TBC1D31: variants seen among roughly 807,000 people sequenced by gnomAD.
TBC1D31 encodes TBC1 domain family member 31, also known as WD repeat domain 67.
TBC1D31 carries 99 observed loss-of-function variants against 132.9 expected under a neutral mutation model. The ratio of observed to expected loss-of-function variants is 0.74; its 90% CI spans 0.63 to 0.88. The LOEUF (loss-of-function observed/expected upper bound fraction) is 0.88, where lower values mean the gene tolerates loss of function less well. Among genes scored for constraint, TBC1D31 ranks in the 40% least tolerant of loss-of-function variants. The pLI is 0.00. For synonymous variants in TBC1D31, 385 were observed against 419.4 expected, an observed-to-expected ratio of 0.92 and a Z score of 1.00; for missense variants, 1,134 against 1,256.6, an observed-to-expected ratio of 0.90 and a Z score of 1.48.
At chr8:123,101,238 A>C (rs1211243151) in intron 7 of TBC1D31, among the ~76,000 whole-genome samples, 1 of 152,138 alleles carries the variant, frequency 6.6e-6, no homozygotes, top group African/African-American at 2.4e-5. Flanking sequence ...GATGTCTCTC[A>C]TTTAGGTGTT....
In TBC1D31 at chr8:123,147,362, G is replaced by A. The variant is rs952582371; in HGVS notation, c.2974+2507G>A. On this transcript the variant is annotated intron_variant, in intron 20 of 21. Coordinates refer to ENST00000287380, the MANE Select transcript of TBC1D31 (RefSeq NM_145647.4). ...TAATTTTTGTATTTTTAGTAGAGAC[G>A]GGGTTTCACCATGTTGGGCAGGGTG... 3.9e-5 allele frequency among the ~76,000 whole-genome samples: 6 copies of A among 151,974 alleles called. No homozygotes were observed. In the East Asian group the frequency reaches 5.8e-4, roughly 15 times the overall value.
At chr8:123,140,690 C>A in intron 17 of TBC1D31, 71 bp from the exon 18 acceptor site, 25 of 1,266,944 alleles carry the variant, frequency 2.0e-5, no homozygotes, top group East Asian at 5.1e-5. Flanking sequence ...TATTACTATT[C>A]TGAAAAAAGT....
At chr8:123,077,361 C>T in intron 2 of TBC1D31, 104 bp downstream of exon 2, 1 of 1,221,576 alleles carries the variant, frequency 8.2e-7, no homozygotes, top group South Asian at 1.6e-5. Context: ...TTATTAAGTT[C>T]TATTATATTT....
chr8:123,154,630 A>G (rs947868196), downstream of TBC1D31, among the ~76,000 whole-genome samples: 1 of 152,236 alleles, frequency 6.6e-6, no homozygotes, highest in African/African-American at 2.4e-5. Context: ...CCTCAGGCAC[A>G]GGCAAACAGG....
Position 123,128,339 on chromosome 8 carries a change from A to T in TBC1D31, c.1943A>T (p.His648Leu). The T allele has an allele frequency of 6.2e-7, 1 of 1,613,740 alleles. No homozygotes were observed. The highest frequency in any genetic ancestry group is 8.5e-7 in the Non-Finnish European group (1 of 1,179,746). Residue 648 changes from histidine (H) to leucine (L), a missense_variant, in exon 14 of 22, where the codon CAT becomes CTT. Physicochemically the swap from His to Leu is moderately conservative, Grantham distance 99 (BLOSUM62 -3). Transcript: ENST00000287380. ...AATGTTGTGATTAGACAAGTTTATC[A>T]TCTCATGGAGACCACGCCTACTGAC... is the stretch of plus-strand genomic sequence containing the variant. ...DINVVIRQVYHLMETTPTDIH... is the reference protein window; with the variant it reads ...DINVVIRQVYLLMETTPTDIH...
intron 4 of TBC1D31, among the ~76,000 whole-genome samples, chr8:123,092,914 C>T (rs1156433847): frequency 6.6e-6 from 1 of 150,558 alleles, no homozygotes; most frequent in African/African-American, 2.4e-5. Context: ...CAGGTTCAAA[C>T]AATTCTCCTG....
intron 20 of TBC1D31, among the ~76,000 whole-genome samples, chr8:123,148,916 G>A (rs917900423): frequency 6.6e-6 from 1 of 151,924 alleles, no homozygotes; most frequent in Non-Finnish European, 1.5e-5. Flanking sequence ...GCATGGTGGC[G>A]TGAACCTGTA....
At chr8:123,133,775 A>G (rs1442377061) in intron 16 of TBC1D31, among the ~76,000 whole-genome samples, 1 of 152,208 alleles carries the variant, frequency 6.6e-6, no homozygotes, top group African/African-American at 2.4e-5. Context: ...AATAAATGTT[A>G]TATTTTTATC....
In TBC1D31 at chr8:123,152,109, G is replaced by C. The variant is rs1586756204; in HGVS notation, c.*170G>C. 8.5e-6 allele frequency: 5 copies of C among 590,316 alleles called. No individual in the cohort carries two copies. The highest frequency in any genetic ancestry group is 4.2e-4 in the Middle Eastern group (1 of 2,402). 36.6% of individuals were successfully genotyped at this position (590,316 alleles called of 1,614,324 possible). A position where few individuals can be genotyped will look rare whatever the true frequency, so the allele number is the denominator to read the frequency against. On this transcript the variant is annotated 3_prime_UTR_variant, in exon 22 of 22. Transcript: ENST00000287380. ...TCTGATACTTTTTGGCTTGTAAATG[G>C]CTTCTTGAACTTTTTACAATAAAAA...
chr8:123,083,050 A>T (rs1011822521), intron 3 of TBC1D31: 22 of 466,948 alleles, frequency 4.7e-5, no homozygotes, highest in Non-Finnish European at 8.4e-5. Context: ...CAACTCACAG[A>T]ACTCAGGAAA....
rs146436284 is a variant in TBC1D31, at chr8:123,084,214, G to C, written c.393G>C (p.Ser131=). 6.2e-7 allele frequency: 1 copy of C among 1,614,132 alleles called. No homozygotes were observed. Among genetic ancestry groups the C allele is most frequent in the South Asian group, 1.1e-5 (1 of 91,078 alleles). The change falls in exon 4 of 22, where the codon TCG becomes TCC. Residue 131 remains serine (S), a synonymous_variant. Transcript: ENST00000287380. ...WMRGHESSVF[S]ISVHASGKYA... is the part of the protein sequence containing the mutation. ...GAGGACATGAATCATCAGTATTTTC[G>C]ATCTCTGTGCATGCATCAGGGAAAT...
intron 10 of TBC1D31, among the ~76,000 whole-genome samples, chr8:123,110,837 T>A (rs1460354395): frequency 6.6e-6 from 1 of 152,220 alleles, no homozygotes; most frequent in East Asian, 1.9e-4. Context: ...TTATGTAAAC[T>A]TGTTCAAATC....
chr8:123,142,326 C>CT lies in TBC1D31; in HGVS notation c.2708dup (p.Leu903PhefsTer3). Reference sequence around the variant, plus strand: ...CTAAATACCGACTGGCAGATTCAGTCTTTACATAAACAAAAATGTGATGAT... The same window carrying CT: ...CTAAATACCGACTGGCAGATTCAGTCTTTTACATAAACAAAAATGTGATGAT... On this transcript the variant is annotated frameshift_variant, in exon 19 of 22. Transcript: ENST00000287380. LOFTEE classifies it high-confidence loss of function. 6.2e-7 allele frequency: 1 copy of CT among 1,609,200 alleles called. No homozygotes were observed. Among genetic ancestry groups the CT allele is most frequent in the Non-Finnish European group, 8.5e-7 (1 of 1,178,276 alleles).
rs956100108 is a variant in TBC1D31 at position 123,128,436 on chromosome 8, T to A, written c.2040T>A (p.Tyr680Ter). 1 of 1,613,914 alleles carries A rather than the reference T, an allele frequency of 6.2e-7. No homozygotes were observed. The highest frequency in any genetic ancestry group is 1.7e-5 in the Admixed American group (1 of 60,016). ...TKGQYPVFNQ[Y>*]PKFIVDYQTQ... The stretch of plus-strand genomic sequence containing the variant: ...GGCAGTATCCAGTATTTAATCAATA[T>A]CCAAAGTTTATTGTGGACTATCAAA... The change falls in exon 14 of 22, where the codon TAT becomes TAA. Residue 680 changes from tyrosine (Y) to a stop codon, truncating the protein, a stop_gained. Coordinates refer to ENST00000287380, the MANE Select transcript of TBC1D31 (RefSeq NM_145647.4). LOFTEE classifies it high-confidence loss of function.
the TBC1D31 span, among the ~76,000 whole-genome samples, chr8:123,163,418 G>A: frequency 7.4e-6 from 1 of 135,072 alleles, no homozygotes; most frequent in African/African-American, 2.8e-5. Context: ...AGGCTGGAGT[G>A]CAGTGGTGTG....
intron 10 of TBC1D31, among the ~76,000 whole-genome samples, chr8:123,113,391 G>A (rs1239463957): frequency 6.6e-6 from 1 of 152,104 alleles, no homozygotes; most frequent in Non-Finnish European, 1.5e-5. Context: ...TTCACATTAA[G>A]AGCAAATAAT....
intron 21 of TBC1D31, 44 bp from the exon 22 acceptor site, chr8:123,151,762 A>T: frequency 6.6e-7 from 1 of 1,523,138 alleles, no homozygotes; most frequent in Non-Finnish European, 8.7e-7. Flanking sequence ...CACCGCTAAC[A>T]TCAGAAAACT....
chr8:123,128,515 T>C lies in TBC1D31; in HGVS notation c.2117+2T>C. 6.4e-7 allele frequency: 1 copy of C among 1,557,592 alleles called. No homozygotes were observed. The highest frequency in any genetic ancestry group is 1.7e-5 in the Admixed American group (1 of 59,062). ...TGAATTGGATTACTTAAGAGAGAGG[T>C]AATTATGGAATAGTTTTTCTTTTTC... On this transcript the variant is annotated splice_donor_variant, in intron 14 of 21. Coordinates refer to ENST00000287380, the MANE Select transcript of TBC1D31 (RefSeq NM_145647.4). LOFTEE classifies it high-confidence loss of function.
At chr8:123,080,143 G>C (rs1814982417) in intron 2 of TBC1D31, among the ~76,000 whole-genome samples, 3 of 152,190 alleles carry the variant, frequency 2.0e-5, no homozygotes, top group Admixed American at 2.0e-4. Context: ...CCAGGTATTA[G>C]TATGAGATGT....
Sources: allele counts gnomAD v4.1 joint callset (sites outside exome capture counted in the v4.1 genomes callset), GRCh38; gene constraint gnomAD v4.1.1; transcripts MANE v1.5; gene names NCBI Gene and HGNC (gene_info 2026-07-23, HGNC 2026-07-21).